Variants in SDK1 observed in about 807,000 individuals in gnomAD.
SDK1 encodes sidekick cell adhesion molecule 1, also known as protein sidekick-1.
In SDK1, 157 loss-of-function variants were observed where a neutral mutation model predicts 245.5. The ratio of observed to expected loss-of-function variants is 0.64; its 90% CI spans 0.56 to 0.73. The LOEUF is 0.73. Among genes scored for constraint, SDK1 ranks in the 30% least tolerant of loss-of-function variants. SDK1 has a pLI of 0.00. For missense variants in SDK1, 3,583 were observed against 3,002.3 expected, an observed-to-expected ratio of 1.19 and a Z score of -4.52; for synonymous variants, 1,647 against 1,278.5, an observed-to-expected ratio of 1.29 and a Z score of -6.15.
chr7:3,389,404 G>C (rs1477663815), intron 1 of SDK1, among the ~76,000 whole-genome samples: 1 of 152,098 alleles, frequency 6.6e-6, no homozygotes, highest in Admixed American at 6.5e-5. Flanking sequence ...GCAAAGCAGA[G>C]TCAGAGAAAA....
chr7:3,733,609 C>T (rs141685599), intron 4 of SDK1, among the ~76,000 whole-genome samples: 1 of 152,254 alleles, frequency 6.6e-6, no homozygotes, highest in African/African-American at 2.4e-5. Flanking sequence ...CCCGCGAGTT[C>T]CAAAAGCTAT....
intron 1 of SDK1, among the ~76,000 whole-genome samples, chr7:3,426,080 T>G (rs1167347342): frequency 1.3e-5 from 2 of 152,232 alleles, no homozygotes; most frequent in African/African-American, 4.8e-5. Context: ...ATCTTCCCCT[T>G]GTTCCAAGTA....
chr7:3,850,312 A>G (rs992359105), intron 5 of SDK1, among the ~76,000 whole-genome samples: 1 of 152,234 alleles, frequency 6.6e-6, no homozygotes, highest in African/African-American at 2.4e-5. Flanking sequence ...AAGTAAATAT[A>G]TGGAAAGCAT....
chr7:3,923,173 C>T (rs1779653431), intron 5 of SDK1, among the ~76,000 whole-genome samples: 1 of 152,124 alleles, frequency 6.6e-6, no homozygotes, highest in Admixed American at 6.5e-5. Flanking sequence ...GATTCAGATT[C>T]TCTGGTTGAT....
chr7:3,392,395 T>G (rs1324568788), intron 1 of SDK1, among the ~76,000 whole-genome samples: 1 of 152,166 alleles, frequency 6.6e-6, no homozygotes, highest in Non-Finnish European at 1.5e-5. Context: ...TCTTGTGACC[T>G]TTTGACATGA....
intron 13 of SDK1, among the ~76,000 whole-genome samples, chr7:3,986,618 T>C (rs1783851122): frequency 6.6e-6 from 1 of 152,110 alleles, no homozygotes; most frequent in African/African-American, 2.4e-5. Flanking sequence ...CCCAGCACTT[T>C]GGGAGGCCAA....
chr7:3,535,028 C>G (rs1048172990), intron 1 of SDK1, among the ~76,000 whole-genome samples: 1 of 152,190 alleles, frequency 6.6e-6, no homozygotes, highest in Non-Finnish European at 1.5e-5. Flanking sequence ...AATCCCAGCA[C>G]TTTGGGAGGC....
intron 1 of SDK1, among the ~76,000 whole-genome samples, chr7:3,514,447 G>C (rs1177267683): frequency 6.6e-6 from 1 of 152,194 alleles, no homozygotes; most frequent in Non-Finnish European, 1.5e-5. Flanking sequence ...GCAAGGGAAA[G>C]GTTTGTTTCT....
chr7:4,061,627 A>G (rs1386828658), intron 19 of SDK1, among the ~76,000 whole-genome samples: 1 of 152,158 alleles, frequency 6.6e-6, no homozygotes, highest in Non-Finnish European at 1.5e-5. Context: ...CCATCCCATT[A>G]CTGGGTATAT....
chr7:3,357,194 TAA>T (rs1358698306), intron 1 of SDK1, among the ~76,000 whole-genome samples: 1 of 152,016 alleles, frequency 6.6e-6, no homozygotes, highest in Non-Finnish European at 1.5e-5. Flanking sequence ...CATGTGTTTG[TAA>T]AGTCACATGA....
intron 4 of SDK1, among the ~76,000 whole-genome samples, chr7:3,668,683 C>T (rs559659073): frequency 4.6e-5 from 7 of 152,094 alleles, no homozygotes; most frequent in African/African-American, 9.7e-5. Context: ...CCCACCTACT[C>T]GGGAGGCTGA....
At chr7:3,791,830 A>G (rs879290431) in intron 4 of SDK1, among the ~76,000 whole-genome samples, 3 of 152,090 alleles carry the variant, frequency 2.0e-5, no homozygotes, top group African/African-American at 4.8e-5. Flanking sequence ...CATTGCTTTG[A>G]CACTGGCATG....
At chr7:3,641,868 T>C (rs1450182154) in intron 3 of SDK1, 90 bp from the exon 4 acceptor site, 12 of 1,064,870 alleles carry the variant, frequency 1.1e-5, no homozygotes, top group African/African-American at 1.6e-5. Context: ...TCAGTGACTT[T>C]ACTGTAACAC....
chr7:3,384,248 A>G (rs901528333), intron 1 of SDK1, among the ~76,000 whole-genome samples: 1 of 152,124 alleles, frequency 6.6e-6, no homozygotes, highest in Non-Finnish European at 1.5e-5. Context: ...TTTTATGTAT[A>G]CTTTTTAGTG....
chr7:3,584,560 G>A (rs533623714), intron 1 of SDK1, among the ~76,000 whole-genome samples: 8 of 152,104 alleles, frequency 5.3e-5, no homozygotes, highest in Non-Finnish European at 8.8e-5. Context: ...GAAGGATCCT[G>A]GCCAGGTGCT....
chr7:3,307,606 T>C (rs919149131), intron 1 of SDK1, among the ~76,000 whole-genome samples: 1 of 152,196 alleles, frequency 6.6e-6, no homozygotes, highest in Non-Finnish European at 1.5e-5. Flanking sequence ...GACAGAAAGC[T>C]CCAAAGCCAG....
At chr7:4,156,007 G>GC (rs1780709980) in intron 30 of SDK1, among the ~76,000 whole-genome samples, 1 of 152,186 alleles carries the variant, frequency 6.6e-6, no homozygotes. Flanking sequence ...TAGTGAGCTT[G>GC]CCCCACACCA....
intron 1 of SDK1, among the ~76,000 whole-genome samples, chr7:3,507,459 A>C (rs1458544463): frequency 3.3e-5 from 5 of 152,172 alleles, no homozygotes; most frequent in African/African-American, 1.2e-4. Context: ...TGCTCGGAAT[A>C]ATAGTCTAGT....
chr7:3,415,224 CA>C (rs1779327091), intron 1 of SDK1, among the ~76,000 whole-genome samples: 1 of 152,122 alleles, frequency 6.6e-6, no homozygotes, highest in Non-Finnish European at 1.5e-5. Context: ...GGAAAAAGTG[CA>C]TATGTTACAA....
Sources: gnomAD v4.1 joint callset for allele counts (sites outside exome capture counted in the v4.1 genomes callset) on GRCh38, gnomAD v4.1.1 for gene constraint, MANE v1.5 for transcripts, NCBI Gene and HGNC (gene_info 2026-07-23, HGNC 2026-07-21) for gene names.